Variants in LIMS1 observed in about 807,000 individuals in gnomAD.
LIMS1 encodes LIM and senescent cell antigen-like-containing domain protein 1.
In LIMS1, 18 loss-of-function variants were observed where a neutral mutation model predicts 44.1. The observed-to-expected ratio is 0.41, with a 90% confidence interval of 0.28 to 0.61. The LOEUF is 0.61. LIMS1 is among the 20% of genes least tolerant of loss of function. The probability of loss-of-function intolerance (pLI) is 0.32; values close to 1 mark genes in which losing one functional copy is unlikely to be tolerated. For synonymous variants in LIMS1, 93 were observed against 149.1 expected (o/e 0.62, Z 2.74); for missense variants, 201 against 422.0 (o/e 0.48, Z 4.59).
At chr2:108,663,777 A>C (rs1322530868) in intron 2 of LIMS1, among the ~76,000 whole-genome samples, 1 of 151,450 alleles carries the variant, frequency 6.6e-6, no homozygotes, top group South Asian at 2.1e-4. Flanking sequence ...TTTTTGAGAC[A>C]GAGTTTCACT....
At chr2:108,671,995 C>G (rs1472931118) in intron 3 of LIMS1, among the ~76,000 whole-genome samples, 3 of 151,902 alleles carry the variant, frequency 2.0e-5, no homozygotes, top group African/African-American at 7.3e-5. Flanking sequence ...ATGGAGAAAC[C>G]CCGTCTCTAC....
intron 1 of LIMS1, among the ~76,000 whole-genome samples, chr2:108,605,927 G>A (rs557256983): frequency 1.6e-4 from 25 of 152,364 alleles, no homozygotes; most frequent in South Asian, 1.4e-3. Context: ...GGCCCGGTGA[G>A]CATGGAAGCA....
chr2:108,640,218 T>C (rs1286761875), intron 1 of LIMS1, among the ~76,000 whole-genome samples: 1 of 152,140 alleles, frequency 6.6e-6, no homozygotes, highest in Non-Finnish European at 1.5e-5. Context: ...TGGGAGGAGC[T>C]TGATTTCAGT....
intron 1 of LIMS1, among the ~76,000 whole-genome samples, chr2:108,597,361 C>A (rs1333252204): frequency 6.6e-6 from 1 of 152,154 alleles, no homozygotes; most frequent in Non-Finnish European, 1.5e-5. Context: ...GCCACAGCAA[C>A]ACGTGATTGT....
At chr2:108,576,589 CAG>C (rs1200227967) in intron 1 of LIMS1, among the ~76,000 whole-genome samples, 1 of 151,962 alleles carries the variant, frequency 6.6e-6, no homozygotes, top group Non-Finnish European at 1.5e-5. Context: ...TTAGTAGAGA[CAG>C]AGTTTCACCA....
At chr2:108,540,794 G>T (rs1260879213) in intron 1 of LIMS1, among the ~76,000 whole-genome samples, 5 of 152,198 alleles carry the variant, frequency 3.3e-5, no homozygotes, top group African/African-American at 9.6e-5. Flanking sequence ...TCAGTTAACA[G>T]CAGGGTTAGG....
At chr2:108,615,459 C>G (rs1370765141) in intron 1 of LIMS1, among the ~76,000 whole-genome samples, 1 of 151,726 alleles carries the variant, frequency 6.6e-6, no homozygotes. Context: ...CTCTTTGGGT[C>G]GGGTGGGGGG....
chr2:108,584,143 C>A (rs1473235424), intron 1 of LIMS1, among the ~76,000 whole-genome samples: 2 of 152,142 alleles, frequency 1.3e-5, no homozygotes, highest in Admixed American at 6.5e-5. Flanking sequence ...GAAGCAAACC[C>A]ACTCTTACAT....
Position 108,642,360 on chromosome 2 carries a change from T to G in LIMS1, c.33-17245T>G, listed in dbSNP as rs1483222000. 6.2e-3 allele frequency among the ~76,000 whole-genome samples: 133 copies of G among 21,466 alleles called. 5 individuals are homozygous for G. The highest frequency in any genetic ancestry group is 6.7e-3 in the African/African-American group (62 of 9,320). 14.1% of individuals were successfully genotyped at this position (21,466 alleles called of 152,430 possible). On this transcript the variant is annotated intron_variant, in intron 1 of 9. Transcript: ENST00000544547. ...GTTTTTTGTTTTTTTTTTTTTTTGT[T>G]TTTTGTTTTTTTTTTTTGAGACGGA...
At chr2:108,662,167 G>T in intron 2 of LIMS1, 1 of 1,611,942 alleles carries the variant, frequency 6.2e-7, no homozygotes, top group African/African-American at 1.3e-5. Flanking sequence ...TCTTTCCCCT[G>T]TGAGCACCCT....
intron 1 of LIMS1, among the ~76,000 whole-genome samples, chr2:108,571,613 A>G (rs1400121827): frequency 2.6e-5 from 4 of 152,350 alleles, no homozygotes; most frequent in African/African-American, 9.6e-5. Context: ...TTGGAATAGC[A>G]TTTTATTGTG....
intron 1 of LIMS1, among the ~76,000 whole-genome samples, chr2:108,612,495 G>T (rs555588131): frequency 6.6e-6 from 1 of 151,140 alleles, no homozygotes; most frequent in Non-Finnish European, 1.5e-5. Flanking sequence ...CAGAACTGTT[G>T]GAAACATTGA....
In LIMS1 at chr2:108,629,309, A is replaced by T. The variant is rs547160612; in HGVS notation, c.33-30296A>T. On this transcript the variant is annotated intron_variant, in intron 1 of 9. Transcript: ENST00000544547. ...AGAAGATGTATAGGATTGTTTCCAA[A>T]AAAGTTTCTTCTCTATGAATGAACT... is the stretch of plus-strand genomic sequence containing the variant. 2.0e-5 allele frequency among the ~76,000 whole-genome samples: 3 copies of T among 152,352 alleles called. No individual in the cohort carries two copies. In the South Asian group the frequency reaches 6.2e-4, roughly 32 times the overall value.
At chr2:108,673,332 A>G (rs904311942) in intron 5 of LIMS1, 77 of 457,214 alleles carry the variant, frequency 1.7e-4, no homozygotes, top group African/African-American at 1.5e-3. Context: ...GAGTCCCAGT[A>G]TGCGTCTCCT....
intron 2 of LIMS1, among the ~76,000 whole-genome samples, chr2:108,668,350 C>A (rs1197861236): frequency 6.6e-6 from 1 of 152,102 alleles, no homozygotes; most frequent in Non-Finnish European, 1.5e-5. Flanking sequence ...ACCCATTGAC[C>A]ATCTTCTCCC....
intron 1 of LIMS1, among the ~76,000 whole-genome samples, chr2:108,603,780 T>G (rs1687135806): frequency 6.6e-6 from 1 of 152,140 alleles, no homozygotes; most frequent in Admixed American, 6.5e-5. Context: ...GGTCCTCTAT[T>G]TTTCTCAGTC....
At chr2:108,636,722 G>A (rs116634988) in intron 1 of LIMS1, among the ~76,000 whole-genome samples, 2,738 of 152,264 alleles carry the variant, frequency 0.018, 47 homozygotes, top group African/African-American at 0.039. Context: ...AAGAGGTAAG[G>A]AATGGAATAA....
At chr2:108,684,703 A>C (rs1224320979) in exon 10 of LIMS1, 1 of 152,080 alleles carries the variant, frequency 6.6e-6, no homozygotes, top group Non-Finnish European at 1.5e-5. Context: ...AATTTATACC[A>C]GGTATTTGGA....
At chr2:108,670,815 A>G in exon 3 of LIMS1, 3 of 1,611,244 alleles carry the variant, frequency 1.9e-6, no homozygotes, top group Non-Finnish European at 2.5e-6. Context: ...CATGACTTTC[A>G]GATGCTCTTT....
Sources: gnomAD v4.1 joint callset for allele counts (sites outside exome capture counted in the v4.1 genomes callset) on GRCh38, gnomAD v4.1.1 for gene constraint, MANE v1.5 for transcripts, NCBI Gene and HGNC (gene_info 2026-07-23, HGNC 2026-07-21) for gene names.